The following MICALL2 variants were observed in gnomAD, a reference collection of about 807,000 sequenced individuals.
The protein encoded by MICALL2 is MICAL like 2.
In MICALL2, 111 loss-of-function variants were observed where a neutral mutation model predicts 91.1. The observed-to-expected ratio is 1.22, with a 90% confidence interval of 1.04 to 1.43. MICALL2 has a LOEUF of 1.43. Among genes scored for constraint, MICALL2 ranks in the 40% most tolerant of loss-of-function variants. The pLI is 0.00. For missense variants in MICALL2, 1,556 were observed against 1,236.0 expected, an observed-to-expected ratio of 1.26 and a Z score of -3.88; for synonymous variants, 694 against 525.3, an observed-to-expected ratio of 1.32 and a Z score of -4.39.
At position 1,439,491 on chromosome 7, in the gene MICALL2, C is replaced by CAT. The variant is rs5881897; in HGVS notation, c.1966+433_1966+434insAT. 48 of 46,726 alleles carry CAT rather than the reference C, an allele frequency of 1.0e-3. No individual in the cohort carries two copies. In the African/African-American group the frequency reaches 0.026, roughly 25 times the overall value. The allele number at this position is 46,726 out of a possible 1,614,324, so 2.9% of individuals were successfully genotyped here. ...CAGATGTACACATGGACACATGCAT[C>CAT]ACGTGTGGGCACACATGCATCACAT... is the stretch of plus-strand genomic sequence containing the variant. On this transcript the variant is annotated intron_variant, in intron 9 of 16. Coordinates refer to ENST00000297508, the MANE Select transcript of MICALL2 (RefSeq NM_182924.4).
intron 1 of MICALL2, among the ~76,000 whole-genome samples, chr7:1,456,582 T>C (rs1324558833): frequency 1.4e-5 from 2 of 147,306 alleles, no homozygotes; most frequent in Non-Finnish European, 3.0e-5. Flanking sequence ...CTAGACTCTG[T>C]CTCAAATAAA....
chr7:1,435,641 C>T (rs2128518407), intron 15 of MICALL2, among the ~76,000 whole-genome samples: 1 of 152,386 alleles, frequency 6.6e-6, no homozygotes, highest in South Asian at 2.1e-4. Flanking sequence ...ACTTCAGGTG[C>T]CGACCCAGAA....
chr7:1,454,210 A>G (rs1206914584), intron 1 of MICALL2, among the ~76,000 whole-genome samples: 1 of 152,084 alleles, frequency 6.6e-6, no homozygotes, highest in Admixed American at 6.6e-5. Context: ...AAGGAGCCCC[A>G]GCCGAGGCAC....
rs112117507 is a variant in MICALL2 at position 1,456,351 on chromosome 7, G to A, written c.143+2833C>T. ...AACCCCAGAACTTTGGGAGGCTGAA[G>A]AGGGCAGATGGATCACTTGAGGTCA... On this transcript the variant is annotated intron_variant, in intron 1 of 16. Coordinates refer to ENST00000297508, the MANE Select transcript of MICALL2 (RefSeq NM_182924.4). Among the ~76,000 whole-genome samples the A allele has an allele frequency of 3.9e-3, 601 of 152,314 alleles. 2 individuals carry two copies. Among genetic ancestry groups the A allele is most frequent in the South Asian group, 7.0e-3 (34 of 4,828 alleles).
intron 16 of MICALL2, 32 bp downstream of exon 16, chr7:1,435,069 A>C (rs1779898829): frequency 1.3e-6 from 2 of 1,515,886 alleles, no homozygotes; most frequent in South Asian, 1.1e-5. Context: ...CCAGCCAGCC[A>C]GCCCAGCCCT....
At chr7:1,439,888 G>A (rs1763039347) in intron 9 of MICALL2, 37 bp downstream of exon 9, 1 of 1,393,752 alleles carries the variant, frequency 7.2e-7, no homozygotes, top group African/African-American at 1.5e-5. Flanking sequence ...GGGCCAGCTA[G>A]GCAACCCGGG....
chr7:1,441,951 G>T, intron 7 of MICALL2: 1 of 571,380 alleles, frequency 1.8e-6, no homozygotes, highest in Non-Finnish European at 3.1e-6. Flanking sequence ...TGCAGGACGT[G>T]CGGATGGGGT....
Position 1,453,713 on chromosome 7 carries a change from C to T in MICALL2, c.144-3425G>A, listed in dbSNP as rs1043003247. 4.6e-5 allele frequency among the ~76,000 whole-genome samples: 7 copies of T among 152,084 alleles called. No individual in the cohort carries two copies. The South Asian group carries it at 6.2e-4, about 14-fold the overall frequency. On this transcript the variant is annotated intron_variant, in intron 1 of 16. Transcript: ENST00000297508. ...ATGGGGGCTGCAGGTTGCCCACCTC[C>T]GAGACATGGCATCCTCCAGGGTTTA...
chr7:1,436,736 C>T lies in MICALL2; in HGVS notation c.2591+6G>A. The T allele has an allele frequency of 1.3e-6, 2 of 1,599,000 alleles. No individual in the cohort carries two copies. The highest frequency in any genetic ancestry group is 1.1e-5 in the South Asian group (1 of 89,988). ...CTGGGAGGGGCCCCCGGCACCTGCCCCTCACCGGAGCCGGTCCTCGTCCAG... is the reference window on the plus strand; with the variant it reads ...CTGGGAGGGGCCCCCGGCACCTGCCTCTCACCGGAGCCGGTCCTCGTCCAG... On this transcript the variant is annotated splice_donor_region_variant and intron_variant, in intron 15 of 16. Coordinates refer to ENST00000297508, the MANE Select transcript of MICALL2 (RefSeq NM_182924.4).
Position 1,446,739 on chromosome 7 carries a change from C to T in MICALL2, c.615G>A (p.Gly205=). The T allele has an allele frequency of 6.2e-7, 1 of 1,605,752 alleles. No homozygotes were observed. The highest frequency in any genetic ancestry group is 1.1e-5 in the South Asian group (1 of 89,900). ...TGAAGCAGCTCCGGTGGTAAAGCCT[C>T]CCGTCGGCCAGGTGCCGCTGTACCA... The part of the protein sequence containing the change: ...VHLVQRHLAD[G]RLYHRSCFRC... Residue 205 remains glycine (G), a synonymous_variant, in exon 5 of 17, where the codon GGG becomes GGA. Coordinates refer to ENST00000297508, the MANE Select transcript of MICALL2 (RefSeq NM_182924.4).
rs1780075633 is a variant in MICALL2 at position 1,438,190 on chromosome 7, T to C, written c.2218A>G (p.Ile740Val). 3 of 1,577,904 alleles carry C rather than the reference T, an allele frequency of 1.9e-6. No individual in the cohort carries two copies. The highest frequency in any genetic ancestry group is 2.6e-6 in the Non-Finnish European group (3 of 1,161,812). Residue 740 changes from isoleucine (I) to valine (V), a missense_variant, in exon 12 of 17, where the codon ATA becomes GTA. Coordinates refer to ENST00000297508, the MANE Select transcript of MICALL2 (RefSeq NM_182924.4). ...TCGATGTCCTGCAGCTGCCTCTGTATCTCCTCCGGGGAGAGGTAGTCGGGG... is the reference window on the plus strand; with the variant it reads ...TCGATGTCCTGCAGCTGCCTCTGTACCTCCTCCGGGGAGAGGTAGTCGGGG... ...LHPDYLSPEE[I>V]QRQLQDIERR...
intron 1 of MICALL2, among the ~76,000 whole-genome samples, chr7:1,455,122 C>T (rs183464582): frequency 1.2e-3 from 180 of 152,370 alleles, no homozygotes; most frequent in African/African-American, 3.9e-3. Flanking sequence ...ACAACGCCTG[C>T]CCTCCCTCCA....
chr7:1,458,808 G>A (rs546073118), intron 1 of MICALL2, among the ~76,000 whole-genome samples: 3 of 152,354 alleles, frequency 2.0e-5, no homozygotes, highest in African/African-American at 7.2e-5. Context: ...GCCCATACGA[G>A]GGCTATCCAG....
At position 1,434,450 on chromosome 7, in the gene MICALL2, C is replaced by G. The variant is rs1302541779; in HGVS notation, c.*146G>C. ...ATGCCCCTTGTAGGGACAGGAGGCC[C>G]TTCCCGAGTCCAAGTCCGAATGCCG... On this transcript the variant is annotated 3_prime_UTR_variant, in exon 17 of 17. Coordinates refer to ENST00000297508, the MANE Select transcript of MICALL2 (RefSeq NM_182924.4). The G allele has an allele frequency of 4.1e-6, 3 of 736,528 alleles. No homozygotes were observed. Among genetic ancestry groups the G allele is most frequent in the Non-Finnish European group, 7.3e-6 (3 of 410,526 alleles). The allele number at this position is 736,528 out of a possible 1,614,324, so 45.6% of individuals were successfully genotyped here. A position where few individuals can be genotyped will look rare whatever the true frequency, so the allele number is the denominator to read the frequency against.
rs776675557 is a variant in MICALL2, at chr7:1,438,148, G to C, written c.2260C>G (p.Leu754Val). ...TCCAGCTCCACGCCGCGGAGCTCCA[G>C]GGCGTCCAGCCGCCTCTCGATGTCC... The part of the protein sequence containing the change: ...LQDIERRLDA[L>V]ELRGVELEKR... Residue 754 changes from leucine to valine, a missense_variant, in exon 12 of 17, where the codon CTG (leucine) becomes GTG (valine). Coordinates refer to ENST00000297508, the MANE Select transcript of MICALL2 (RefSeq NM_182924.4). 9 of 1,562,016 alleles carry C rather than the reference G, an allele frequency of 5.8e-6. No individual in the cohort carries two copies. In the South Asian group the frequency reaches 1.1e-4, roughly 18 times the overall value.
chr7:1,434,363 G>A lies in MICALL2; in HGVS notation c.*233C>T, dbSNP rs374763224. 13 of 652,586 alleles carry A rather than the reference G, an allele frequency of 2.0e-5. No homozygotes were observed. The highest frequency in any genetic ancestry group is 5.9e-5 in the East Asian group (2 of 33,810). The allele number at this position is 652,586 out of a possible 1,614,324, so 40.4% of individuals were successfully genotyped here. A position where few individuals can be genotyped will look rare whatever the true frequency, so the allele number is the denominator to read the frequency against. ...AAACACGGAGGCACGTAGGAGTCCG[G>A]GGCCATGTGGTCGGTTTCTTTATTG... is the stretch of plus-strand genomic sequence containing the variant. On this transcript the variant is annotated 3_prime_UTR_variant, in exon 17 of 17. Transcript: ENST00000297508.
At chr7:1,435,944 T>C (rs951714613) in intron 15 of MICALL2, among the ~76,000 whole-genome samples, 1 of 148,940 alleles carries the variant, frequency 6.7e-6, no homozygotes, top group Non-Finnish European at 1.5e-5. Flanking sequence ...CCCAGCTACT[T>C]GGGAAGCTGA....
chr7:1,441,857 G>C (rs1442581674), intron 7 of MICALL2: 1 of 354,122 alleles, frequency 2.8e-6, no homozygotes, highest in African/African-American at 2.1e-5. Flanking sequence ...CACAGACCAC[G>C]GCCAAGCCAG....
chr7:1,442,413 G>A lies in MICALL2; in HGVS notation c.1490C>T (p.Ala497Val), dbSNP rs199734516. Residue 497 changes from alanine (A) to valine (V), a missense_variant, in exon 7 of 17, where the codon GCC becomes GTC. Transcript: ENST00000297508. ...KTEAPQASPLAKPLQSSSPRV... is the reference protein window; with the variant it reads ...KTEAPQASPLVKPLQSSSPRV... ...GGGAGACGAGGACTGTAACGGCTTGGCTAAGGGACTTGCTTGTGGTGCTTC... is the reference window on the plus strand; with the variant it reads ...GGGAGACGAGGACTGTAACGGCTTGACTAAGGGACTTGCTTGTGGTGCTTC... 90 of 1,588,028 alleles carry A rather than the reference G, an allele frequency of 5.7e-5. No individual in the cohort carries two copies. The highest frequency in any genetic ancestry group is 7.2e-5 in the Non-Finnish European group (84 of 1,165,860).
Sources: gnomAD v4.1 joint callset for allele counts (sites outside exome capture counted in the v4.1 genomes callset) on GRCh38, gnomAD v4.1.1 for gene constraint, MANE v1.5 for transcripts, NCBI Gene and HGNC (gene_info 2026-07-23, HGNC 2026-07-21) for gene names.